The following WWC1 variants were observed in gnomAD, a reference collection of about 807,000 sequenced individuals.
The protein encoded by WWC1 is WW and C2 domain containing 1.
WWC1 carries 55 observed loss-of-function variants against 138.4 expected under a neutral mutation model. That is an observed-to-expected ratio of 0.40 (90% CI 0.32 to 0.50). The LOEUF (loss-of-function observed/expected upper bound fraction) is 0.50. Ranked by LOEUF, WWC1 falls within the 20% of genes least tolerant of loss-of-function variation. The probability of loss-of-function intolerance (pLI) is 0.72; values close to 1 mark genes in which losing one functional copy is unlikely to be tolerated. For missense variants in WWC1, 1,226 were observed against 1,420.4 expected (o/e 0.86, Z 2.20); for synonymous variants, 524 against 564.9 (o/e 0.93, Z 1.03).
At chr5:168,327,351 C>A (rs1772651564) in intron 1 of WWC1, among the ~76,000 whole-genome samples, 1 of 152,172 alleles carries the variant, frequency 6.6e-6, no homozygotes, top group Non-Finnish European at 1.5e-5. Context: ...ATGTCTCATG[C>A]TGACTCGCTC....
At chr5:168,324,034 C>T (rs1772337811) in intron 1 of WWC1, among the ~76,000 whole-genome samples, 1 of 152,156 alleles carries the variant, frequency 6.6e-6, no homozygotes, top group Non-Finnish European at 1.5e-5. Flanking sequence ...ATTCTGTATC[C>T]AACCACAAGT....
In WWC1 at chr5:168,451,825, G is replaced by C. The variant is rs529905134; in HGVS notation, c.2526-2143G>C. On this transcript the variant is annotated intron_variant, in intron 17 of 22. Coordinates refer to ENST00000265293, the MANE Select transcript of WWC1 (RefSeq NM_015238.3). ...AGATAAACAACACCAAGTGTAGTGA[G>C]GAACTAGAACTCTTAGAACATTGCT... Among the ~76,000 whole-genome samples the C allele has an allele frequency of 2.0e-5, 3 of 151,782 alleles. No individual in the cohort carries two copies. The South Asian group carries it at 6.2e-4, about 32-fold the overall frequency.
chr5:168,323,338 G>C (rs1215487041), intron 1 of WWC1, among the ~76,000 whole-genome samples: 1 of 152,108 alleles, frequency 6.6e-6, no homozygotes, highest in East Asian at 1.9e-4. Context: ...TTGAACTCAG[G>C]AGTTCAAGAC....
intron 13 of WWC1, among the ~76,000 whole-genome samples, chr5:168,429,565 A>G (rs1020318843): frequency 1.3e-5 from 2 of 152,012 alleles, no homozygotes; most frequent in Non-Finnish European, 2.9e-5. Context: ...GGCCTTCAAT[A>G]TTTTTTAATA....
intron 7 of WWC1, 150 bp from the exon 8 acceptor site, chr5:168,409,772 T>A: frequency 1.4e-6 from 1 of 740,292 alleles, no homozygotes; most frequent in South Asian, 1.6e-5. Flanking sequence ...TTAACCAGCT[T>A]CCCTGCGATC....
chr5:168,409,926 G>T lies in WWC1; in HGVS notation c.872G>T (p.Gly291Val). The change falls in exon 8 of 23, where the codon GGC becomes GTC. Residue 291 changes from glycine (G) to valine (V), a missense_variant. Transcript: ENST00000265293. ...GACTTTGTTCTTCTCCTCCAGTTCGGCATCAACAGCAACAATCAGTTGGCA... is the reference window on the plus strand; with the variant it reads ...GACTTTGTTCTTCTCCTCCAGTTCGTCATCAACAGCAACAATCAGTTGGCA... ...SSQTDISGSF[G>V]INSNNQLAEK... 3 of 1,613,910 alleles carry T rather than the reference G, an allele frequency of 1.9e-6. No individual in the cohort carries two copies. Among genetic ancestry groups the T allele is most frequent in the South Asian group, 2.2e-5 (2 of 91,074 alleles).
At chr5:168,387,641 G>A (rs553122809) in intron 3 of WWC1, among the ~76,000 whole-genome samples, 14 of 152,242 alleles carry the variant, frequency 9.2e-5, no homozygotes, top group Admixed American at 8.5e-4. Flanking sequence ...CTGTCTTCCC[G>A]GCTTGCAGAC....
chr5:168,428,054 G>A lies in WWC1; in HGVS notation c.1832G>A (p.Cys611Tyr), dbSNP rs371356968. The change falls in exon 12 of 23, where the codon TGT becomes TAT. Residue 611 changes from cysteine to tyrosine, a missense_variant. Physicochemically the swap from Cys to Tyr is radical, Grantham distance 194. This residue lies in a region of WWC1 where 1,016 missense variants were observed against 1,153.9 expected (regional missense o/e 0.88). Transcript: ENST00000265293. ...CTAGCTGTGAATACGGCCCAGGGGT[G>A]TGGCCTGAAAGTGGCCTGTGTCTCA... ...LGQAVNTAQGCGLKVACVSAA... is the reference protein window; with the variant it reads ...LGQAVNTAQGYGLKVACVSAA... 3 of 1,613,620 alleles carry A rather than the reference G, an allele frequency of 1.9e-6. No homozygotes were observed. Among genetic ancestry groups the A allele is most frequent in the South Asian group, 2.2e-5 (2 of 91,068 alleles).
At chr5:168,353,968 C>T (rs1398068765) in intron 1 of WWC1, among the ~76,000 whole-genome samples, 1 of 152,178 alleles carries the variant, frequency 6.6e-6, no homozygotes, top group East Asian at 1.9e-4. Context: ...TAAGTTCATA[C>T]TTGGTGCTGG....
At chr5:168,441,892 G>A (rs1457696646) in intron 16 of WWC1, 58 bp downstream of exon 16, 1 of 1,571,682 alleles carries the variant, frequency 6.4e-7, no homozygotes, top group Non-Finnish European at 8.6e-7. Context: ...TGTTGGAAGG[G>A]AAAGCCTCTC....
chr5:168,367,865 A>G (rs1030456319), intron 1 of WWC1, among the ~76,000 whole-genome samples: 3 of 150,056 alleles, frequency 2.0e-5, no homozygotes, highest in Admixed American at 1.3e-4. Context: ...TAAATTAATA[A>G]AAAAAAAGAA....
intron 17 of WWC1, among the ~76,000 whole-genome samples, chr5:168,452,051 G>A (rs2152883088): frequency 6.6e-6 from 1 of 152,000 alleles, no homozygotes; most frequent in East Asian, 1.9e-4. Flanking sequence ...GATTACAGGT[G>A]CCCACCACCA....
chr5:168,469,215 A>C lies in WWC1; in HGVS notation c.*198A>C, dbSNP rs923614713. 3 of 562,042 alleles carry C rather than the reference A, an allele frequency of 5.3e-6. No individual in the cohort carries two copies. Among genetic ancestry groups the C allele is most frequent in the African/African-American group, 1.9e-5 (1 of 53,610 alleles). 34.8% of individuals were successfully genotyped at this position (562,042 alleles called of 1,614,324 possible). ...CAGAACAAAAACAAAACACACACAC[A>C]CACAAAAACAGAAACAAAAAAAACC... On this transcript the variant is annotated 3_prime_UTR_variant, in exon 23 of 23. Transcript: ENST00000265293.
At chr5:168,315,095 G>A (rs1217494377) in intron 1 of WWC1, among the ~76,000 whole-genome samples, 4 of 152,138 alleles carry the variant, frequency 2.6e-5, no homozygotes, top group African/African-American at 4.8e-5. Context: ...ACTGAAGAAC[G>A]AGTCATTAGT....
intron 2 of WWC1, among the ~76,000 whole-genome samples, chr5:168,376,484 C>T (rs191082022): frequency 6.6e-6 from 1 of 152,288 alleles, no homozygotes; most frequent in East Asian, 1.9e-4. Flanking sequence ...AAGAAGAAGT[C>T]AAAGTATCTC....
At chr5:168,354,746 G>A (rs1264602815) in intron 1 of WWC1, among the ~76,000 whole-genome samples, 4 of 152,122 alleles carry the variant, frequency 2.6e-5, no homozygotes, top group Admixed American at 2.0e-4. Context: ...GGTTCTCAGG[G>A]CCCGTTCTTT....
At chr5:168,437,370 T>C (rs1754326578) in intron 15 of WWC1, among the ~76,000 whole-genome samples, 1 of 152,240 alleles carries the variant, frequency 6.6e-6, no homozygotes, top group South Asian at 2.1e-4. Context: ...GAAATCAAGA[T>C]GCACTATGTA....
intron 1 of WWC1, among the ~76,000 whole-genome samples, chr5:168,370,659 T>C (rs1166927490): frequency 6.6e-6 from 1 of 152,242 alleles, no homozygotes. Context: ...GTTTAAATAC[T>C]TGACAAATTG....
chr5:168,417,231 G>T (rs7722673), intron 9 of WWC1, among the ~76,000 whole-genome samples: 9,131 of 152,226 alleles, frequency 0.06, 322 homozygotes, highest in Middle Eastern at 0.12. Context: ...TAAAGTTACA[G>T]TTAGCAAGAA....
Sources: allele counts gnomAD v4.1 joint callset (sites outside exome capture counted in the v4.1 genomes callset), GRCh38; gene constraint gnomAD v4.1.1; regional missense constraint gnomAD v4.1.1; transcripts MANE v1.5; gene names NCBI Gene and HGNC (gene_info 2026-07-23, HGNC 2026-07-21).